TIFAB: variants seen among roughly 807,000 people sequenced by gnomAD.
TIFAB encodes the protein TIFA inhibitor.
For missense variants in TIFAB, 222 were observed against 203.6 expected (o/e 1.09, Z -0.55); for synonymous variants, 116 against 95.2 (o/e 1.22, Z -1.27).
chr5:135,449,423 C>T lies in TIFAB; in HGVS notation c.*31G>A. The stretch of plus-strand genomic sequence containing the variant: ...AGGGCTGTCCCAAGTCTGGGAAGGG[C>T]CGTGGAGAAACCCCAGGCAACCTGG... On this transcript the variant is annotated 3_prime_UTR_variant, in exon 2 of 2. Coordinates refer to ENST00000537858, the MANE Select transcript of TIFAB (RefSeq NM_001099221.2). 1 of 1,607,086 alleles carries T rather than the reference C, an allele frequency of 6.2e-7. No homozygotes were observed.
At position 135,449,929 on chromosome 5, in the gene TIFAB, G is replaced by A; in HGVS notation, c.11C>T (p.Pro4Leu). The A allele has an allele frequency of 2.0e-6, 3 of 1,519,334 alleles. No homozygotes were observed. The highest frequency in any genetic ancestry group is 2.6e-6 in the Non-Finnish European group (3 of 1,133,326). The allele number at this position is 1,519,334 out of a possible 1,614,324, so 94.1% of individuals were successfully genotyped here. A position where few individuals can be genotyped will look rare whatever the true frequency, so the allele number is the denominator to read the frequency against. Residue 4 changes from proline to leucine, a missense_variant, in exon 2 of 2, where the codon CCC (proline) becomes CTC (leucine). Coordinates refer to ENST00000537858, the MANE Select transcript of TIFAB (RefSeq NM_001099221.2). MEK[P>L]LTVLRVSLYH... ...CAGGCTCACTCGCAGGACGGTGAGGGGCTTCTCCATGGAAGAAGTCCTGGG... is the reference window on the plus strand; with the variant it reads ...CAGGCTCACTCGCAGGACGGTGAGGAGCTTCTCCATGGAAGAAGTCCTGGG...
rs760406830 is a variant in TIFAB at position 135,446,414 on chromosome 5, G to T, written c.*3040C>A. ...GGCTGCCCTGCGGTGGGAGCTGAGA[G>T]AATGCAGTGGAGGTTGTTGGGAGGA... is the stretch of plus-strand genomic sequence containing the variant. On this transcript the variant is annotated 3_prime_UTR_variant, in exon 2 of 2. Coordinates refer to ENST00000537858, the MANE Select transcript of TIFAB (RefSeq NM_001099221.2). The T allele has an allele frequency of 6.2e-7, 1 of 1,610,572 alleles. No homozygotes were observed. The highest frequency in any genetic ancestry group is 1.1e-5 in the South Asian group (1 of 90,970).
At position 135,444,678 on chromosome 5, in the gene TIFAB, T is replaced by C. The variant is rs1482807269; in HGVS notation, c.*4776A>G. On this transcript the variant is annotated 3_prime_UTR_variant, in exon 2 of 2. Transcript: ENST00000537858. ...CGCACCTCTTTGCTGGCTGCAGCCT[T>C]GCTGCTCAGTGGGCGGTTGTGGAAA... The C allele has an allele frequency of 6.6e-6, 1 of 152,284 alleles. No homozygotes were observed. The highest frequency in any genetic ancestry group is 1.5e-5 in the Non-Finnish European group (1 of 68,072). 9.4% of individuals were successfully genotyped at this position (152,284 alleles called of 1,614,324 possible).
rs1195157002 is a variant in TIFAB at position 135,449,779 on chromosome 5, G to A, written c.161C>T (p.Ser54Phe). Reference protein sequence around the residue: ...AHLQLQLPRLSRRHLSLEPYL... With the variant: ...AHLQLQLPRLFRRHLSLEPYL... ...GGGCTCCAGGGACAGGTGACGGCGG[G>A]AGAGGCGAGGGAGCTGCAGCTGGAG... The change falls in exon 2 of 2, where the codon TCC (serine) becomes TTC (phenylalanine). Residue 54 changes from serine (S) to phenylalanine (F), a missense_variant. Transcript: ENST00000537858. The A allele has an allele frequency of 6.2e-7, 1 of 1,612,326 alleles. No individual in the cohort carries two copies. The highest frequency in any genetic ancestry group is 2.2e-5 in the East Asian group (1 of 44,846).
Position 135,449,892 on chromosome 5 carries a change from C to A in TIFAB, c.48G>T (p.Thr16=), listed in dbSNP as rs767281626. Residue 16 remains threonine (T), a synonymous_variant, in exon 2 of 2, where the codon ACG becomes ACT. Transcript: ENST00000537858. ...CATTGGCAAAGGCAGATGGGCCCAG[C>A]GTGGGATGGTACAGGCTCACTCGCA... ...TVLRVSLYHP[T]LGPSAFANVP... 2 of 1,564,730 alleles carry A rather than the reference C, an allele frequency of 1.3e-6. No individual in the cohort carries two copies. Among genetic ancestry groups the A allele is most frequent in the Non-Finnish European group, 8.7e-7 (1 of 1,153,310 alleles).
Position 135,447,202 on chromosome 5 carries a change from G to A in TIFAB, c.*2252C>T, listed in dbSNP as rs1769285237. ...TCTTCTCCTTGCCAGCCCTACCAGG[G>A]CATCTCCCATTATACTAACCCTGCC... On this transcript the variant is annotated 3_prime_UTR_variant, in exon 2 of 2. Coordinates refer to ENST00000537858, the MANE Select transcript of TIFAB (RefSeq NM_001099221.2). 3 of 1,508,962 alleles carry A rather than the reference G, an allele frequency of 2.0e-6. No homozygotes were observed. Among genetic ancestry groups the A allele is most frequent in the South Asian group, 2.4e-5 (2 of 83,602 alleles). The allele number at this position is 1,508,962 out of a possible 1,614,324, so 93.5% of individuals were successfully genotyped here.
Position 135,446,678 on chromosome 5 carries a change from T to G in TIFAB, c.*2776A>C. On this transcript the variant is annotated 3_prime_UTR_variant, in exon 2 of 2. Transcript: ENST00000537858. ...GTGTGAGTTTCCCGGTGAGACTGTG[T>G]GAACTGTGAACGGGTAGAGTCTGAA... The G allele has an allele frequency of 6.2e-7, 1 of 1,613,920 alleles. No individual in the cohort carries two copies. Among genetic ancestry groups the G allele is most frequent in the Non-Finnish European group, 8.5e-7 (1 of 1,179,808 alleles).
In TIFAB at chr5:135,446,022, G is replaced by C; in HGVS notation, c.*3432C>G. The C allele has an allele frequency of 4.9e-6, 1 of 202,262 alleles. No individual in the cohort carries two copies. The highest frequency in any genetic ancestry group is 1.1e-4 in the South Asian group (1 of 8,948). 12.5% of individuals were successfully genotyped at this position (202,262 alleles called of 1,614,324 possible). A position where few individuals can be genotyped will look rare whatever the true frequency, so the allele number is the denominator to read the frequency against. On this transcript the variant is annotated 3_prime_UTR_variant, in exon 2 of 2. Coordinates refer to ENST00000537858, the MANE Select transcript of TIFAB (RefSeq NM_001099221.2). ...GCCTGAGTGTAGACTGGGTCCATGT[G>C]CCTACATGCATTCAGTTCCTCCCAC...
In TIFAB at chr5:135,448,792, A is replaced by T. The variant is rs1052714942; in HGVS notation, c.*662T>A. ...CTCTTACACCTCGTCTATATTTCCC[A>T]CCCCCACGTCTGCATGACAGCGTGG... On this transcript the variant is annotated 3_prime_UTR_variant, in exon 2 of 2. Coordinates refer to ENST00000537858, the MANE Select transcript of TIFAB (RefSeq NM_001099221.2). 6 of 151,772 alleles carry T rather than the reference A, an allele frequency of 4.0e-5. No individual in the cohort carries two copies. Among genetic ancestry groups the T allele is most frequent in the Non-Finnish European group, 8.8e-5 (6 of 68,136 alleles). The allele number at this position is 151,772 out of a possible 1,614,324, so 9.4% of individuals were successfully genotyped here.
Position 135,452,278 on chromosome 5 carries a change from G to A in TIFAB, c.-80C>T, listed in dbSNP as rs992719883. Reference sequence around the variant, plus strand: ...TCTTGAGAGGGAGTAGGCTGGTTTGGGTAGGGCTGGGAGGGCTCCTATGGC... The same window carrying A: ...TCTTGAGAGGGAGTAGGCTGGTTTGAGTAGGGCTGGGAGGGCTCCTATGGC... On this transcript the variant is annotated 5_prime_UTR_variant, in exon 1 of 2. Coordinates refer to ENST00000537858, the MANE Select transcript of TIFAB (RefSeq NM_001099221.2). 6.6e-6 allele frequency: 1 copy of A among 152,280 alleles called. No individual in the cohort carries two copies. 9.4% of individuals were successfully genotyped at this position (152,280 alleles called of 1,614,324 possible).
chr5:135,450,102 T>C (rs751491296), intron 1 of TIFAB, among the ~76,000 whole-genome samples, 153 bp from the exon 2 acceptor site: 3 of 152,200 alleles, frequency 2.0e-5, no homozygotes, highest in Non-Finnish European at 2.9e-5. Context: ...CTGGAATTGG[T>C]GTGGAAGGTC....
Position 135,445,822 on chromosome 5 carries a change from G to A in TIFAB, c.*3632C>T, listed in dbSNP as rs1769246758. 1 of 152,954 alleles carries A rather than the reference G, an allele frequency of 6.5e-6. No individual in the cohort carries two copies. The highest frequency in any genetic ancestry group is 2.1e-4 in the South Asian group (1 of 4,842). 9.5% of individuals were successfully genotyped at this position (152,954 alleles called of 1,614,324 possible). On this transcript the variant is annotated 3_prime_UTR_variant, in exon 2 of 2. Transcript: ENST00000537858. ...CATTTGCAAGTCTCCCTCGAGGGGA[G>A]CCCGTGTCTCTCACGGACAGCTTGG...
chr5:135,449,985 T>G (rs1769338347), intron 1 of TIFAB, 36 bp from the exon 2 acceptor site: 1 of 1,511,836 alleles, frequency 6.6e-7, no homozygotes, highest in African/African-American at 1.4e-5. Context: ...AGGCTCAGCT[T>G]CAGTCAGAGA....
At position 135,449,062 on chromosome 5, in the gene TIFAB, G is replaced by C. The variant is rs1190206609; in HGVS notation, c.*392C>G. 3.2e-5 allele frequency: 7 copies of C among 220,256 alleles called. No homozygotes were observed. The highest frequency in any genetic ancestry group is 9.2e-6 in the Non-Finnish European group (1 of 108,566). 13.6% of individuals were successfully genotyped at this position (220,256 alleles called of 1,614,324 possible). On this transcript the variant is annotated 3_prime_UTR_variant, in exon 2 of 2. Coordinates refer to ENST00000537858, the MANE Select transcript of TIFAB (RefSeq NM_001099221.2). Reference sequence around the variant, plus strand: ...AACCACATAAAGTAACTCCTAGTCAGACAACAGGGAGAAATGTGTGGAAAT... The same window carrying C: ...AACCACATAAAGTAACTCCTAGTCACACAACAGGGAGAAATGTGTGGAAAT...
At chr5:135,450,037 G>A (rs1438082228) in intron 1 of TIFAB, 88 bp from the exon 2 acceptor site, 1 of 1,467,718 alleles carries the variant, frequency 6.8e-7, no homozygotes, top group Non-Finnish European at 9.1e-7. Context: ...GCCCACCTCA[G>A]GGGCCCTGTG....
chr5:135,448,771 T>C lies in TIFAB; in HGVS notation c.*683A>G, dbSNP rs1769315338. The C allele has an allele frequency of 6.6e-6, 1 of 152,394 alleles. No homozygotes were observed. The highest frequency in any genetic ancestry group is 6.5e-5 in the Admixed American group (1 of 15,302). 9.4% of individuals were successfully genotyped at this position (152,394 alleles called of 1,614,324 possible). A position where few individuals can be genotyped will look rare whatever the true frequency, so the allele number is the denominator to read the frequency against. Reference sequence around the variant, plus strand: ...GAGTCCCACCTTTCCAATTTCCTCTTACACCTCGTCTATATTTCCCACCCC... The same window carrying C: ...GAGTCCCACCTTTCCAATTTCCTCTCACACCTCGTCTATATTTCCCACCCC... On this transcript the variant is annotated 3_prime_UTR_variant, in exon 2 of 2. Coordinates refer to ENST00000537858, the MANE Select transcript of TIFAB (RefSeq NM_001099221.2).
Position 135,447,050 on chromosome 5 carries a change from A to G in TIFAB, c.*2404T>C. The G allele has an allele frequency of 6.2e-7, 1 of 1,614,008 alleles. No individual in the cohort carries two copies. The highest frequency in any genetic ancestry group is 8.5e-7 in the Non-Finnish European group (1 of 1,179,888). On this transcript the variant is annotated 3_prime_UTR_variant, in exon 2 of 2. Coordinates refer to ENST00000537858, the MANE Select transcript of TIFAB (RefSeq NM_001099221.2). ...TCTCTCCAGTCTTTGGTGTCCAGGT[A>G]CAGTCTCCAGGCCGTGGCTTCTCGA...
intron 1 of TIFAB, among the ~76,000 whole-genome samples, chr5:135,451,373 C>T (rs1189124696): frequency 6.6e-6 from 1 of 152,110 alleles, no homozygotes; most frequent in Admixed American, 6.5e-5. Context: ...TGAGGGCACC[C>T]TTTCACTATC....
Position 135,445,863 on chromosome 5 carries a change from T to C in TIFAB, c.*3591A>G, listed in dbSNP as rs1281828551. On this transcript the variant is annotated 3_prime_UTR_variant, in exon 2 of 2. Coordinates refer to ENST00000537858, the MANE Select transcript of TIFAB (RefSeq NM_001099221.2). ...GACAGCTTGGCAAGATTCACATTCTTGGAAAAGCAGAGGAATGCGAGGGTT... is the reference window on the plus strand; with the variant it reads ...GACAGCTTGGCAAGATTCACATTCTCGGAAAAGCAGAGGAATGCGAGGGTT... 6.5e-6 allele frequency: 1 copy of C among 153,180 alleles called. No homozygotes were observed. Among genetic ancestry groups the C allele is most frequent in the African/African-American group, 2.4e-5 (1 of 41,462 alleles). 9.5% of individuals were successfully genotyped at this position (153,180 alleles called of 1,614,324 possible).
Sources: gnomAD v4.1 joint callset for allele counts (sites outside exome capture counted in the v4.1 genomes callset) on GRCh38, gnomAD v4.1.1 for gene constraint, MANE v1.5 for transcripts, NCBI Gene and HGNC (gene_info 2026-07-23, HGNC 2026-07-21) for gene names.